The following EPHA6 variants were observed in gnomAD, a reference collection of about 807,000 sequenced individuals.
EPHA6 encodes the protein EPH receptor A6, also known as ephrin type-A receptor 6.
EPHA6 carries 50 observed loss-of-function variants against 112.0 expected under a neutral mutation model. That is an observed-to-expected ratio of 0.45 (90% CI 0.36 to 0.56). The LOEUF is 0.56. EPHA6 is among the 20% of genes least tolerant of loss of function. EPHA6 has a pLI of 0.00. For synonymous variants in EPHA6, 529 were observed against 490.7 expected (o/e 1.08, Z -1.03); for missense variants, 1,280 against 1,417.4 (o/e 0.90, Z 1.56).
intron 12 of EPHA6, among the ~76,000 whole-genome samples, chr3:97,598,497 T>C (rs1033987890): frequency 6.9e-6 from 1 of 144,112 alleles, no homozygotes; most frequent in Non-Finnish European, 1.5e-5. Context: ...TTCCCACCTA[T>C]GAGTGAGAAT....
intron 1 of EPHA6, among the ~76,000 whole-genome samples, chr3:96,842,906 A>G (rs2034837120): frequency 6.6e-6 from 1 of 152,082 alleles, no homozygotes; most frequent in Non-Finnish European, 1.5e-5. Flanking sequence ...ATTTTTAAAT[A>G]TCTATGCCAG....
rs762796650 is a variant in EPHA6, at chr3:97,244,251, C to G, written c.1570C>G (p.Pro524Ala). Residue 524 changes from proline (P) to alanine (A), a missense_variant, in exon 5 of 18, where the codon CCA becomes GCA. Around this residue, in one of 4 missense-constraint regions of EPHA6, gnomAD observed 878 missense variants for 999.7 expected, o/e 0.88. Transcript: ENST00000389672. ...GVSELSFSPK[P>A]FTAITVTTDQ... The stretch of plus-strand genomic sequence containing the variant: ...TTCTGAGTTGAGTTTTTCTCCCAAG[C>G]CATTCACAGCTATTACAGTGACCAC... 24 of 1,613,118 alleles carry G rather than the reference C, an allele frequency of 1.5e-5. No homozygotes were observed. The highest frequency in any genetic ancestry group is 2.0e-5 in the Non-Finnish European group (23 of 1,179,420).
chr3:97,091,435 C>T (rs576106028), intron 3 of EPHA6, among the ~76,000 whole-genome samples: 1 of 152,024 alleles, frequency 6.6e-6, no homozygotes, highest in African/African-American at 2.4e-5. Context: ...TCCTAAGAAT[C>T]TGAGTAAATT....
chr3:97,211,386 AT>A (rs2108513966), intron 3 of EPHA6, among the ~76,000 whole-genome samples: 1 of 152,166 alleles, frequency 6.6e-6, no homozygotes, highest in Admixed American at 6.5e-5. Context: ...TTTTATTCCC[AT>A]TGTCTTAGTC....
intron 2 of EPHA6, among the ~76,000 whole-genome samples, chr3:96,948,893 A>G (rs936766349): frequency 6.6e-6 from 1 of 152,144 alleles, no homozygotes; most frequent in Admixed American, 6.5e-5. Context: ...GATTGGCTTT[A>G]CTCACACTGC....
At position 96,832,833 on chromosome 3, in the gene EPHA6, A is replaced by G. The variant is rs188835060; in HGVS notation, c.385+17825A>G. ...AATTTAAGGAGAAAATTACTTTTCCATGGGCTACCTTCCCACATGCAGTAG... is the reference window on the plus strand; with the variant it reads ...AATTTAAGGAGAAAATTACTTTTCCGTGGGCTACCTTCCCACATGCAGTAG... On this transcript the variant is annotated intron_variant, in intron 1 of 17. Transcript: ENST00000389672. 3.2e-3 allele frequency among the ~76,000 whole-genome samples: 486 copies of G among 152,152 alleles called. 2 individuals are homozygous for G. The highest frequency in any genetic ancestry group is 5.3e-3 in the Non-Finnish European group (362 of 67,942).
intron 13 of EPHA6, among the ~76,000 whole-genome samples, chr3:97,616,853 A>G (rs1484437899): frequency 6.6e-6 from 1 of 152,222 alleles, no homozygotes; most frequent in Non-Finnish European, 1.5e-5. Context: ...TGTAGAAAAC[A>G]TATTTCAGAA....
intron 3 of EPHA6, among the ~76,000 whole-genome samples, chr3:97,071,051 C>T (rs766689842): frequency 9.5e-4 from 145 of 152,106 alleles, no homozygotes; most frequent in Non-Finnish European, 1.8e-3. Flanking sequence ...GCATCTCCCA[C>T]GAGAAAAATA....
chr3:97,374,870 T>C (rs1577144057), intron 5 of EPHA6, among the ~76,000 whole-genome samples: 1 of 152,266 alleles, frequency 6.6e-6, no homozygotes, highest in African/African-American at 2.4e-5. Flanking sequence ...GATTTAAATA[T>C]TTTTCCTATC....
chr3:96,988,673 CTTAA>C (rs2043108158), intron 3 of EPHA6, among the ~76,000 whole-genome samples: 1 of 151,974 alleles, frequency 6.6e-6, no homozygotes, highest in Non-Finnish European at 1.5e-5. Flanking sequence ...CTGATCAGAG[CTTAA>C]TTAATCTTTT....
chr3:97,644,729 C>G (rs532561552), intron 14 of EPHA6, among the ~76,000 whole-genome samples: 2,126 of 150,720 alleles, frequency 0.014, 16 homozygotes, highest in Non-Finnish European at 0.022. Flanking sequence ...TCTCCCAAGA[C>G]TAAACCAGGA....
In EPHA6 at chr3:97,347,594, T is replaced by A. The variant is rs192999630; in HGVS notation, c.1607-57556T>A. On this transcript the variant is annotated intron_variant, in intron 5 of 17. Transcript: ENST00000389672. ...TCCAATGAACATGAATTTGAGGCTA[T>A]TTCTCCTAGAAAAAAATTTGGAGGG... 1.5e-3 allele frequency among the ~76,000 whole-genome samples: 223 copies of A among 152,214 alleles called. 1 individual carries two copies. The highest frequency in any genetic ancestry group is 5.1e-3 in the African/African-American group (212 of 41,560).
intron 2 of EPHA6, among the ~76,000 whole-genome samples, chr3:96,878,954 A>C (rs1302656451): frequency 6.6e-6 from 1 of 152,092 alleles, no homozygotes; most frequent in Non-Finnish European, 1.5e-5. Flanking sequence ...TTAAGTGAAA[A>C]CTGAATAAAT....
intron 11 of EPHA6, among the ~76,000 whole-genome samples, chr3:97,583,028 A>G (rs2093454121): frequency 1.3e-5 from 2 of 150,112 alleles, no homozygotes; most frequent in South Asian, 4.3e-4. Context: ...AAACAGGCAG[A>G]TGCAGCCTGC....
intron 5 of EPHA6, among the ~76,000 whole-genome samples, chr3:97,360,136 C>T (rs982187668): frequency 1.3e-5 from 2 of 152,132 alleles, no homozygotes; most frequent in South Asian, 2.1e-4. Flanking sequence ...ACCCTGGCTC[C>T]CACAAGCTGT....
At chr3:96,828,314 C>A (rs1273492508) in intron 1 of EPHA6, among the ~76,000 whole-genome samples, 1 of 152,008 alleles carries the variant, frequency 6.6e-6, no homozygotes, top group African/African-American at 2.4e-5. Flanking sequence ...GAGGAGATAA[C>A]GTGGACCTAT....
intron 5 of EPHA6, among the ~76,000 whole-genome samples, chr3:97,388,360 G>C (rs943392200): frequency 2.0e-5 from 3 of 151,928 alleles, no homozygotes; most frequent in Non-Finnish European, 4.4e-5. Flanking sequence ...AAATTAAATG[G>C]ACAAAAGACA....
intron 3 of EPHA6, among the ~76,000 whole-genome samples, chr3:97,162,736 CT>C (rs1243850179): frequency 1.3e-5 from 2 of 152,088 alleles, no homozygotes; most frequent in African/African-American, 4.8e-5. Flanking sequence ...TTAAGGTGTT[CT>C]GGGTCTATTT....
At chr3:96,965,961 G>T (rs907254293) in intron 2 of EPHA6, among the ~76,000 whole-genome samples, 1 of 151,944 alleles carries the variant, frequency 6.6e-6, no homozygotes, top group South Asian at 2.1e-4. Flanking sequence ...ACATGGTCTT[G>T]TTTGAGCTCT....
Sources: gnomAD v4.1 joint callset for allele counts (sites outside exome capture counted in the v4.1 genomes callset) on GRCh38, gnomAD v4.1.1 for gene constraint, gnomAD v4.1.1 regional missense constraint, MANE v1.5 for transcripts, NCBI Gene and HGNC (gene_info 2026-07-23, HGNC 2026-07-21) for gene names.